The following ROBO1 variants were observed in gnomAD, a reference collection of about 807,000 sequenced individuals.
ROBO1 encodes the protein roundabout homolog 1.
A neutral mutation model predicts 195.9 loss-of-function variants in ROBO1; 149 were observed. The ratio of observed to expected loss-of-function variants is 0.76; its 90% confidence interval spans 0.67 to 0.87. The LOEUF is 0.87. Ranked by LOEUF, ROBO1 falls within the 40% of genes least tolerant of loss-of-function variation. The pLI is 0.00. For synonymous variants in ROBO1, 816 were observed against 733.2 expected, an observed-to-expected ratio of 1.11 and a Z score of -1.82; for missense variants, 1,933 against 2,068.3, an observed-to-expected ratio of 0.93 and a Z score of 1.27.
At chr3:78,822,851 G>A (rs529743196) in intron 4 of ROBO1, among the ~76,000 whole-genome samples, 2 of 152,308 alleles carry the variant, frequency 1.3e-5, no homozygotes, top group East Asian at 1.9e-4. Flanking sequence ...ATGCACAATA[G>A]TGCATTTGTT....
At chr3:78,659,848 A>G in intron 16 of ROBO1, 41 bp from the exon 17 acceptor site, 1 of 1,547,248 alleles carries the variant, frequency 6.5e-7, no homozygotes, top group Non-Finnish European at 8.7e-7. Flanking sequence ...AGAATGTGCT[A>G]GAGAACACTG....
intron 2 of ROBO1, among the ~76,000 whole-genome samples, chr3:79,271,130 G>A (rs989238310): frequency 1.3e-5 from 2 of 151,892 alleles, no homozygotes; most frequent in African/African-American, 2.4e-5. Flanking sequence ...AAACAGATGT[G>A]CTTTCAAAGC....
rs192017785 is a variant in ROBO1 at position 79,565,989 on chromosome 3, A to T, written c.88+23835T>A. Reference sequence around the variant, plus strand: ...GGTGGAACTCTTTGCATTAGCCTACAGCAAATATATAACTATTGGACTCAG... The same window carrying T: ...GGTGGAACTCTTTGCATTAGCCTACTGCAAATATATAACTATTGGACTCAG... On this transcript the variant is annotated intron_variant, in intron 2 of 30. Coordinates refer to ENST00000464233, the MANE Select transcript of ROBO1 (RefSeq NM_002941.4). 5.1e-3 allele frequency among the ~76,000 whole-genome samples: 778 copies of T among 152,260 alleles called. 10 individuals are homozygous for T. Among genetic ancestry groups the T allele is most frequent in the African/African-American group, 0.018 (741 of 41,558 alleles).
intron 1 of ROBO1, among the ~76,000 whole-genome samples, chr3:79,743,719 T>C (rs1703747393): frequency 6.6e-6 from 1 of 152,194 alleles, no homozygotes; most frequent in Non-Finnish European, 1.5e-5. Flanking sequence ...TTATAAGCTT[T>C]TATTCAATTT....
chr3:78,631,296 C>A lies in ROBO1; in HGVS notation c.3491G>T (p.Gly1164Val), dbSNP rs753006274. The change falls in exon 25 of 31, where the codon GGG (glycine) becomes GTG (valine). Residue 1164 changes from glycine (G) to valine (V), a missense_variant. This residue lies in a region of ROBO1 where 1,737 missense variants were observed against 1,882.5 expected (regional missense o/e 0.92). Transcript: ENST00000464233. ...DRGSSTSGSQ[G>V]HKKGARTPKV... Reference sequence around the variant, plus strand: ...GGGTGTTCTTGCCCCTTTCTTGTGCCCCTGACTCCCTAGAAAGGAAATAAA... The same window carrying A: ...GGGTGTTCTTGCCCCTTTCTTGTGCACCTGACTCCCTAGAAAGGAAATAAA... 6.2e-7 allele frequency: 1 copy of A among 1,612,794 alleles called. No homozygotes were observed. The highest frequency in any genetic ancestry group is 8.5e-7 in the Non-Finnish European group (1 of 1,179,292).
At chr3:79,212,340 CTT>C (rs2081981498) in intron 2 of ROBO1, among the ~76,000 whole-genome samples, 1 of 152,190 alleles carries the variant, frequency 6.6e-6, no homozygotes, top group African/African-American at 2.4e-5. Context: ...CTCAGCCTCT[CTT>C]GACTAGATCT....
rs143993515 is a variant in ROBO1 at position 78,732,885 on chromosome 3, A to C, written c.657+13858T>G. Among the ~76,000 whole-genome samples the C allele has an allele frequency of 9.8e-5, 15 of 152,306 alleles. No homozygotes were observed. In the East Asian group the frequency reaches 2.9e-3, roughly 29 times the overall value. On this transcript the variant is annotated intron_variant, in intron 5 of 30. Transcript: ENST00000464233. ...CTGTTTCTAATGCAATAGGCTTTTA[A>C]AGCTTTGTGATCACCTCGATTTGTA...
intron 4 of ROBO1, among the ~76,000 whole-genome samples, chr3:78,868,437 CAG>C (rs2035317874): frequency 6.6e-6 from 1 of 151,808 alleles, no homozygotes; most frequent in Non-Finnish European, 1.5e-5. Flanking sequence ...TAAATAATAA[CAG>C]AAATAAATTT....
chr3:78,890,578 G>C (rs1313737246), intron 4 of ROBO1, among the ~76,000 whole-genome samples: 2 of 152,060 alleles, frequency 1.3e-5, no homozygotes, highest in African/African-American at 4.8e-5. Context: ...TGGTGAAAAT[G>C]GTAAACTGGG....
chr3:78,711,161 A>G (rs971735630), intron 8 of ROBO1, among the ~76,000 whole-genome samples: 5 of 152,184 alleles, frequency 3.3e-5, no homozygotes, highest in African/African-American at 1.2e-4. Flanking sequence ...CATAAATGGC[A>G]GTCTCTTCAA....
chr3:79,285,472 T>A (rs2031829396), intron 2 of ROBO1, among the ~76,000 whole-genome samples: 1 of 152,204 alleles, frequency 6.6e-6, no homozygotes, highest in Non-Finnish European at 1.5e-5. Context: ...ACTCAATCTG[T>A]GCCTACAATT....
rs1165594287 is a variant in ROBO1, at chr3:78,685,755, C to G, written c.1333G>C (p.Val445Leu). ...ATGTTTTACACTTTACCATCTGTAA[C>G]TTCCAAATATGCCTTTGTGATGATG... ...GSIITKAYLE[V>L]TDVIADRPPP... The change falls in exon 10 of 31, where the codon GTT becomes CTT. Residue 445 changes from valine (V) to leucine (L), a missense_variant. By Grantham distance (32) the Val-to-Leu change is conservative. Around this residue, in one of 3 missense-constraint regions of ROBO1, gnomAD observed 1,737 missense variants for 1,882.5 expected, o/e 0.92. Transcript: ENST00000464233. The G allele has an allele frequency of 1.2e-6, 2 of 1,603,250 alleles. No individual in the cohort carries two copies. The highest frequency in any genetic ancestry group is 2.7e-5 in the African/African-American group (2 of 74,722).
intron 2 of ROBO1, among the ~76,000 whole-genome samples, chr3:79,243,177 G>A (rs1355368487): frequency 3.3e-5 from 5 of 151,832 alleles, no homozygotes; most frequent in African/African-American, 7.3e-5. Context: ...CATTTTTTAC[G>A]GCTGCATAGT....
intron 3 of ROBO1, among the ~76,000 whole-genome samples, chr3:78,946,828 A>G (rs331172): frequency 0.39 from 58,534 of 152,036 alleles, 13,139 homozygotes; most frequent in South Asian, 0.51. Flanking sequence ...ATGGAGAAAG[A>G]TCTACCAAGC....
At chr3:78,996,014 T>C (rs1242066016) in intron 3 of ROBO1, among the ~76,000 whole-genome samples, 1 of 152,080 alleles carries the variant, frequency 6.6e-6, no homozygotes, top group African/African-American at 2.4e-5. Flanking sequence ...AGATTCCATA[T>C]GGGAGGGAGA....
At chr3:79,208,891 C>T (rs543963676) in intron 2 of ROBO1, among the ~76,000 whole-genome samples, 8 of 152,176 alleles carry the variant, frequency 5.3e-5, no homozygotes, top group Admixed American at 3.3e-4. Flanking sequence ...AAGGGGCATA[C>T]TGAAGAGTTT....
intron 2 of ROBO1, among the ~76,000 whole-genome samples, chr3:79,511,231 T>C (rs1940687035): frequency 6.6e-6 from 1 of 152,310 alleles, no homozygotes; most frequent in Non-Finnish European, 1.5e-5. Flanking sequence ...TGGCCTAGTG[T>C]GCTGCTCACT....
At chr3:79,326,018 A>G (rs1247025945) in intron 2 of ROBO1, among the ~76,000 whole-genome samples, 1 of 152,084 alleles carries the variant, frequency 6.6e-6, no homozygotes, top group Admixed American at 6.6e-5. Context: ...GCCGTCTACT[A>G]TGGTCGAGGC....
intron 2 of ROBO1, among the ~76,000 whole-genome samples, chr3:79,338,558 T>C (rs1379626176): frequency 4.6e-5 from 7 of 152,208 alleles, no homozygotes; most frequent in African/African-American, 2.4e-5. Flanking sequence ...AGGACTTTTG[T>C]CAGGTGAAGC....
Sources: allele counts gnomAD v4.1 joint callset (sites outside exome capture counted in the v4.1 genomes callset), GRCh38; gene constraint gnomAD v4.1.1; regional missense constraint gnomAD v4.1.1; transcripts MANE v1.5; gene names NCBI Gene and HGNC (gene_info 2026-07-23, HGNC 2026-07-21).